The following BLK variants were observed in gnomAD, a reference collection of about 807,000 sequenced individuals.
BLK encodes the protein tyrosine-protein kinase Blk.
BLK carries 64 observed loss-of-function variants against 61.8 expected under a neutral mutation model. That is an observed-to-expected ratio of 1.03 (90% CI 0.85 to 1.27). The LOEUF (loss-of-function observed/expected upper bound fraction) is 1.27, where lower values mean the gene tolerates loss of function less well. Among genes scored for constraint, BLK ranks in the 50% most tolerant of loss-of-function variants. BLK has a pLI of 0.00. For missense variants in BLK, 853 were observed against 660.5 expected (o/e 1.29, Z -3.19); for synonymous variants, 351 against 272.0 (o/e 1.29, Z -2.86).
chr8:11,560,379 GTGGATGGATGGATGCA>G (rs372438975), intron 10 of BLK: 5,201 of 213,394 alleles, frequency 0.024, 189 homozygotes, highest in African/African-American at 0.086. Context: ...GGATGGGTGG[GTGGATGGATGGATGCA>G]TGGATGGATG....
rs868503065 is a variant in BLK at position 11,560,178 on chromosome 8, G to C, written c.1030-1124G>C. ...GGGTGGGTGGGTGGGTGGATGGATG[G>C]ATGCATGGATGGATGGATGGATGGA... is the stretch of plus-strand genomic sequence containing the variant. On this transcript the variant is annotated intron_variant, in intron 10 of 12. Coordinates refer to ENST00000259089, the MANE Select transcript of BLK (RefSeq NM_001715.3). Among the ~76,000 whole-genome samples the C allele has an allele frequency of 9.5e-3, 561 of 59,102 alleles. 4 individuals are homozygous for C. The highest frequency in any genetic ancestry group is 0.079 in the East Asian group (19 of 240). The allele number at this position is 59,102 out of a possible 152,430, so 38.8% of individuals were successfully genotyped here.
intron 1 of BLK, among the ~76,000 whole-genome samples, chr8:11,531,385 A>C (rs1799880435): frequency 6.6e-6 from 1 of 152,204 alleles, no homozygotes; most frequent in Non-Finnish European, 1.5e-5. Context: ...TTCTAAGGGA[A>C]TAGAAGGTCA....
intron 1 of BLK, among the ~76,000 whole-genome samples, chr8:11,518,856 T>C (rs548899867): frequency 1.9e-3 from 294 of 152,278 alleles, no homozygotes; most frequent in African/African-American, 6.6e-3. Context: ...CCTGTGCACT[T>C]TTAGAGCCGT....
intron 1 of BLK, among the ~76,000 whole-genome samples, chr8:11,537,135 T>C (rs1397660426): frequency 1.3e-5 from 2 of 152,224 alleles, no homozygotes; most frequent in Non-Finnish European, 2.9e-5. Context: ...TTCAGTGGTG[T>C]TGTCCTGAGT....
rs936236012 is a variant in BLK at position 11,549,067 on chromosome 8, G to A, written c.313G>A (p.Glu105Lys). 6.2e-7 allele frequency: 1 copy of A among 1,611,766 alleles called. No individual in the cohort carries two copies. Among genetic ancestry groups the A allele is most frequent in the East Asian group, 2.2e-5 (1 of 44,876 alleles). The change falls in exon 5 of 13, where the codon GAA becomes AAA. Residue 105 changes from glutamate to lysine, a missense_variant. Physicochemically the swap from Glu to Lys is moderately conservative, Grantham distance 56 (BLOSUM62 1). Transcript: ENST00000259089. ...WLARSLVTGR[E>K]GYVPSNFVAR... ...GGCCAGGTCACTCGTCACAGGAAGA[G>A]AAGGCTATGTGCCCAGTAACTTTGT... is the stretch of plus-strand genomic sequence containing the variant.
chr8:11,526,214 C>G (rs1208681389), intron 1 of BLK, among the ~76,000 whole-genome samples: 1 of 152,200 alleles, frequency 6.6e-6, no homozygotes, highest in African/African-American at 2.4e-5. Flanking sequence ...CTTTCACCTG[C>G]ACACTCCCCT....
intron 1 of BLK, among the ~76,000 whole-genome samples, chr8:11,507,368 C>G (rs913989536): frequency 6.6e-6 from 1 of 152,210 alleles, no homozygotes; most frequent in African/African-American, 2.4e-5. Flanking sequence ...TGCAGTGGCC[C>G]TGGCCTGGAC....
rs1028964004 is a variant in BLK at position 11,550,171 on chromosome 8, A to G, written c.381A>G (p.Arg127=). Residue 127 remains arginine (R), a synonymous_variant, in exon 6 of 13, where the codon AGA becomes AGG. Coordinates refer to ENST00000259089, the MANE Select transcript of BLK (RefSeq NM_001715.3). ...ESLEMERWFF[R]SQGRKEAERQ... ...TGCCGTTTTCCAGGTGGTTCTTTAG[A>G]TCACAGGGTCGGAAGGAGGCTGAGA... is the stretch of plus-strand genomic sequence containing the variant. 1.2e-6 allele frequency: 2 copies of G among 1,614,108 alleles called. No individual in the cohort carries two copies.
chr8:11,526,772 T>C (rs574037354), intron 1 of BLK, among the ~76,000 whole-genome samples: 1 of 149,254 alleles, frequency 6.7e-6, no homozygotes, highest in Non-Finnish European at 1.5e-5. Context: ...AATTTTACTG[T>C]GTTTCATCAG....
chr8:11,552,750 G>A (rs967515477), intron 6 of BLK: 1 of 152,090 alleles, frequency 6.6e-6, no homozygotes, highest in Admixed American at 6.5e-5. Context: ...TGCCCAATCT[G>A]GTGTGGAGGA....
intron 1 of BLK, among the ~76,000 whole-genome samples, chr8:11,507,350 C>G (rs780519748): frequency 5.9e-5 from 9 of 152,172 alleles, no homozygotes; most frequent in Non-Finnish European, 4.4e-5. Context: ...TGGGAGTGGT[C>G]CTGGATTTGC....
At chr8:11,542,462 C>T (rs987306853) in intron 1 of BLK, among the ~76,000 whole-genome samples, 2 of 152,138 alleles carry the variant, frequency 1.3e-5, no homozygotes, top group Non-Finnish European at 2.9e-5. Context: ...GACTGGACTC[C>T]AGAGCTGGCT....
chr8:11,529,164 A>G (rs539035891), intron 1 of BLK, among the ~76,000 whole-genome samples: 40 of 152,334 alleles, frequency 2.6e-4, no homozygotes, highest in African/African-American at 7.2e-4. Flanking sequence ...TAAATCGCCC[A>G]GTGGGTTCAC....
intron 1 of BLK, among the ~76,000 whole-genome samples, chr8:11,526,477 G>T (rs981393574): frequency 6.6e-6 from 1 of 152,182 alleles, no homozygotes; most frequent in African/African-American, 2.4e-5. Flanking sequence ...CCAGCACTTT[G>T]GGAGGCCAAG....
intron 1 of BLK, among the ~76,000 whole-genome samples, chr8:11,541,058 G>T (rs2117434406): frequency 6.6e-6 from 1 of 152,260 alleles, no homozygotes; most frequent in Non-Finnish European, 1.5e-5. Context: ...TTGAGCTCTG[G>T]AGTTTGAGAC....
chr8:11,562,301 A>G (rs1481337109), intron 11 of BLK, among the ~76,000 whole-genome samples: 1 of 152,214 alleles, frequency 6.6e-6, no homozygotes, highest in Non-Finnish European at 1.5e-5. Context: ...TGAAGGGGTC[A>G]CATATATTTA....
At position 11,556,112 on chromosome 8, in the gene BLK, C is replaced by T. The variant is rs572098011; in HGVS notation, c.773-546C>T. 4.9e-5 allele frequency: 11 copies of T among 225,426 alleles called. No homozygotes were observed. In the South Asian group the frequency reaches 8.3e-4, roughly 17 times the overall value. 14.0% of individuals were successfully genotyped at this position (225,426 alleles called of 1,614,324 possible). A position where few individuals can be genotyped will look rare whatever the true frequency, so the allele number is the denominator to read the frequency against. ...CTTTTGGCAGGAGCTGTACCCAGGT[C>T]CCTGCCAAGGCCCATGTCCTCTAGA... On this transcript the variant is annotated intron_variant, in intron 8 of 12. Coordinates refer to ENST00000259089, the MANE Select transcript of BLK (RefSeq NM_001715.3).
rs554653016 is a variant in BLK at position 11,560,845 on chromosome 8, C to G, written c.1030-457C>G. Reference sequence around the variant, plus strand: ...ACTGTGGCCCCTCGGGGAGGTTAAGCAGCTTGCTAGAGGTCAGCGACTTCC... The same window carrying G: ...ACTGTGGCCCCTCGGGGAGGTTAAGGAGCTTGCTAGAGGTCAGCGACTTCC... On this transcript the variant is annotated intron_variant, in intron 10 of 12. Transcript: ENST00000259089. The G allele has an allele frequency of 9.6e-5, 44 of 459,430 alleles. No homozygotes were observed. The East Asian group carries it at 2.9e-3, about 30-fold the overall frequency. The allele number at this position is 459,430 out of a possible 1,614,324, so 28.5% of individuals were successfully genotyped here.
At chr8:11,507,173 A>G (rs1011616010) in intron 1 of BLK, among the ~76,000 whole-genome samples, 6 of 152,236 alleles carry the variant, frequency 3.9e-5, no homozygotes, top group Non-Finnish European at 7.3e-5. Flanking sequence ...CCAGGAGCCA[A>G]GTAACAACAC....
Sources: gnomAD v4.1 joint callset for allele counts (sites outside exome capture counted in the v4.1 genomes callset) on GRCh38, gnomAD v4.1.1 for gene constraint, MANE v1.5 for transcripts, NCBI Gene and HGNC (gene_info 2026-07-23, HGNC 2026-07-21) for gene names.